The following RNF216 variants were observed in gnomAD, a reference collection of about 807,000 sequenced individuals.
RNF216 encodes E3 ubiquitin-protein ligase RNF216.
Under a neutral mutation model 110.8 loss-of-function variants are expected in RNF216, and 72 were observed. That is an observed-to-expected ratio of 0.65 (90% CI 0.54 to 0.79). The LOEUF is 0.79. RNF216 is among the 30% of genes least tolerant of loss of function. RNF216 has a pLI of 0.00. For synonymous variants in RNF216, 495 were observed against 407.5 expected, an observed-to-expected ratio of 1.21 and a Z score of -2.59; for missense variants, 1,342 against 1,141.2, an observed-to-expected ratio of 1.18 and a Z score of -2.54.
At chr7:5,705,868 T>C (rs956691055) in intron 13 of RNF216, among the ~76,000 whole-genome samples, 1 of 149,974 alleles carries the variant, frequency 6.7e-6, no homozygotes, top group Non-Finnish European at 1.5e-5. Context: ...GATCATACCA[T>C]TGCACTCCAG....
intron 1 of RNF216, among the ~76,000 whole-genome samples, chr7:5,765,084 A>G (rs1281266493): frequency 6.6e-6 from 1 of 151,088 alleles, no homozygotes; most frequent in Non-Finnish European, 1.5e-5. Flanking sequence ...AAAAAAAAAA[A>G]GTAAGGATGG....
chr7:5,732,069 C>T (rs1182021124), intron 5 of RNF216, among the ~76,000 whole-genome samples: 2 of 152,166 alleles, frequency 1.3e-5, no homozygotes, highest in African/African-American at 2.4e-5. Context: ...GCCCAGTCCA[C>T]GGAACACAAC....
intron 9 of RNF216, among the ~76,000 whole-genome samples, chr7:5,717,089 C>A (rs1296115312): frequency 6.6e-6 from 1 of 152,198 alleles, no homozygotes; most frequent in African/African-American, 2.4e-5. Context: ...TGGGATGGCT[C>A]ATGCCTGTAA....
chr7:5,739,258 G>C lies in RNF216; in HGVS notation c.1121+18C>G, dbSNP rs554603579. The C allele has an allele frequency of 6.6e-7, 1 of 1,526,112 alleles. No homozygotes were observed. The highest frequency in any genetic ancestry group is 8.8e-7 in the Non-Finnish European group (1 of 1,141,194). The allele number at this position is 1,526,112 out of a possible 1,614,324, so 94.5% of individuals were successfully genotyped here. Reference sequence around the variant, plus strand: ...CACCACCACCACCACCACAAAAAAAGCATGGTAGTATACTTACACATTCAG... The same window carrying C: ...CACCACCACCACCACCACAAAAAAACCATGGTAGTATACTTACACATTCAG... On this transcript the variant is annotated intron_variant, in intron 5 of 16. Transcript: ENST00000389902.
At chr7:5,684,094 CTTTTT>C (rs10608511) in intron 13 of RNF216, among the ~76,000 whole-genome samples, 1 of 61,844 alleles carries the variant, frequency 1.6e-5, no homozygotes, top group Non-Finnish European at 2.8e-5. Flanking sequence ...GCTGGGCCTT[CTTTTT>C]TTTTTTTTTT....
chr7:5,705,849 G>T (rs1315262410), intron 13 of RNF216, among the ~76,000 whole-genome samples: 1 of 151,922 alleles, frequency 6.6e-6, no homozygotes. Flanking sequence ...GGAGGTTATG[G>T]TGAGCCAAGA....
chr7:5,685,940 C>T (rs942103029), intron 13 of RNF216, among the ~76,000 whole-genome samples: 2 of 151,952 alleles, frequency 1.3e-5, no homozygotes, highest in Non-Finnish European at 2.9e-5. Context: ...TAAAAAATTC[C>T]GGCCGGGCGC....
At chr7:5,780,793 C>T (rs1797040853) in intron 1 of RNF216, among the ~76,000 whole-genome samples, 1 of 152,214 alleles carries the variant, frequency 6.6e-6, no homozygotes, top group Non-Finnish European at 1.5e-5. Flanking sequence ...TACCCAGGCC[C>T]TTAGGGATTT....
At chr7:5,692,846 G>A (rs1057067320) in intron 13 of RNF216, among the ~76,000 whole-genome samples, 5 of 152,160 alleles carry the variant, frequency 3.3e-5, no homozygotes, top group Non-Finnish European at 7.3e-5. Context: ...ATGACAATGG[G>A]TATACAATGT....
intron 10 of RNF216, among the ~76,000 whole-genome samples, chr7:5,715,736 C>CTTT (rs58929486): frequency 4.2e-4 from 48 of 113,798 alleles, no homozygotes; most frequent in African/African-American, 7.5e-4. Context: ...CCAACTCATT[C>CTTT]TTTTTTTTTT....
chr7:5,627,832 T>C (rs1166133053), intron 15 of RNF216, among the ~76,000 whole-genome samples: 1 of 152,090 alleles, frequency 6.6e-6, no homozygotes, highest in Non-Finnish European at 1.5e-5. Flanking sequence ...AGGCTCTCTT[T>C]TGGGGAGAAG....
At chr7:5,637,970 C>T (rs992815734) in intron 15 of RNF216, among the ~76,000 whole-genome samples, 4 of 152,204 alleles carry the variant, frequency 2.6e-5, no homozygotes, top group African/African-American at 7.2e-5. Context: ...CTCAGGCTCC[C>T]GAGCAGCTGG....
chr7:5,777,221 C>G (rs6969486), intron 1 of RNF216, among the ~76,000 whole-genome samples: 149,082 of 152,314 alleles, frequency 0.98, 72,974 homozygotes, highest in Middle Eastern at 0.99. Flanking sequence ...GACAACATGT[C>G]GACCAGAGAA....
intron 10 of RNF216, among the ~76,000 whole-genome samples, chr7:5,715,702 T>C (rs73064628): frequency 0.022 from 3,385 of 151,838 alleles, 57 homozygotes; most frequent in Admixed American, 0.034. Context: ...CTCCTTTTAT[T>C]AACTATAGCA....
chr7:5,715,411 GTTTT>G (rs1226483028), intron 10 of RNF216, among the ~76,000 whole-genome samples: 2 of 151,802 alleles, frequency 1.3e-5, no homozygotes, highest in East Asian at 1.9e-4. Context: ...AGGTTTTCGT[GTTTT>G]TTTTCTGGTA....
At chr7:5,761,580 G>A (rs1160047934) in intron 1 of RNF216, among the ~76,000 whole-genome samples, 1 of 152,194 alleles carries the variant, frequency 6.6e-6, no homozygotes, top group African/African-American at 2.4e-5. Context: ...GAGGTTAGGA[G>A]TTTGAGACCA....
intron 2 of RNF216, among the ~76,000 whole-genome samples, chr7:5,754,728 A>T (rs1795526170): frequency 6.6e-6 from 1 of 152,140 alleles, no homozygotes; most frequent in Admixed American, 6.6e-5. Context: ...TGGTGTACCC[A>T]ATGAAAAAGT....
chr7:5,762,164 A>G (rs1474925734), intron 1 of RNF216, among the ~76,000 whole-genome samples: 1 of 152,248 alleles, frequency 6.6e-6, no homozygotes, highest in African/African-American at 2.4e-5. Context: ...TTAAATGAAA[A>G]TAAGTGTGAT....
Position 5,761,022 on chromosome 7 carries a change from A to G in RNF216, c.48T>C (p.Phe16=). 6.3e-7 allele frequency: 1 copy of G among 1,579,928 alleles called. No homozygotes were observed. Among genetic ancestry groups the G allele is most frequent in the South Asian group, 1.2e-5 (1 of 84,424 alleles). The change falls in exon 2 of 17, where the codon TTT becomes TTC. Residue 16 remains phenylalanine, a synonymous_variant. Coordinates refer to ENST00000389902, the MANE Select transcript of RNF216 (RefSeq NM_207111.4). ...NNEEVIHLNN[F]HCHRGQEWIN... ...ACTTACCTTGTCCCCGATGGCAGTG[A>G]AAGTTGTTCAAGTGAATTACCTCTT...
Sources: allele counts gnomAD v4.1 joint callset (sites outside exome capture counted in the v4.1 genomes callset), GRCh38; gene constraint gnomAD v4.1.1; transcripts MANE v1.5; gene names NCBI Gene and HGNC (gene_info 2026-07-23, HGNC 2026-07-21).